The following CD46 variants were observed in gnomAD, a reference collection of about 807,000 sequenced individuals.
The protein encoded by CD46 is CD46 molecule, also known as membrane cofactor protein.
CD46 carries 30 observed loss-of-function variants against 53.3 expected under a neutral mutation model. The ratio of observed to expected loss-of-function variants is 0.56; its 90% confidence interval spans 0.42 to 0.76. The LOEUF (loss-of-function observed/expected upper bound fraction) is 0.76, where lower values mean the gene tolerates loss of function less well. Among genes scored for constraint, CD46 ranks in the 30% least tolerant of loss-of-function variants. CD46 has a pLI of 0.00. For synonymous variants in CD46, 142 were observed against 152.0 expected (o/e 0.93, Z 0.48); for missense variants, 409 against 463.0 (o/e 0.88, Z 1.07).
At chr1:207,787,370 C>T (rs1486198457) in intron 11 of CD46, among the ~76,000 whole-genome samples, 3 of 152,116 alleles carry the variant, frequency 2.0e-5, no homozygotes, top group Non-Finnish European at 4.4e-5. Flanking sequence ...CCGCGCCCGG[C>T]CTTAATGGGT....
intron 8 of CD46, among the ~76,000 whole-genome samples, chr1:207,782,636 CCCT>C (rs1375838973): frequency 7.3e-6 from 1 of 137,390 alleles, no homozygotes; most frequent in Non-Finnish European, 1.5e-5. Flanking sequence ...TTTTATTAAT[CCCT>C]CTTTTTTTTT....
intron 12 of CD46, 66 bp downstream of exon 12, chr1:207,790,411 GATATC>G: frequency 2.5e-6 from 2 of 792,414 alleles, no homozygotes; most frequent in Non-Finnish European, 4.4e-6. Context: ...TGGATATATA[GATATC>G]AATAACCTGA....
rs766197874 is a variant in CD46 at position 207,766,966 on chromosome 1, T to C, written c.674-47T>C. 2.0e-6 allele frequency: 3 copies of C among 1,478,386 alleles called. No individual in the cohort carries two copies. In the South Asian group the frequency reaches 3.4e-5, roughly 17 times the overall value. 91.6% of individuals were successfully genotyped at this position (1,478,386 alleles called of 1,614,324 possible). On this transcript the variant is annotated intron_variant, in intron 5 of 12. Transcript: ENST00000367042. ...AATTACTACTTTGTACTACTTTTTCTGCTAAAGCAGATATCCATTAATTCT... is the reference window on the plus strand; with the variant it reads ...AATTACTACTTTGTACTACTTTTTCCGCTAAAGCAGATATCCATTAATTCT...
At chr1:207,777,503 A>G (rs191308876) in intron 8 of CD46, among the ~76,000 whole-genome samples, 171 of 152,246 alleles carry the variant, frequency 1.1e-3, no homozygotes, top group African/African-American at 4.0e-3. Flanking sequence ...TCCCCGGTCA[A>G]GTATACCCCA....
At chr1:207,767,510 T>A (rs1231409181) in intron 6 of CD46, 12 of 1,052,402 alleles carry the variant, frequency 1.1e-5, no homozygotes, top group East Asian at 7.1e-5. Flanking sequence ...CATGGGCATT[T>A]TTATCTAAGT....
At chr1:207,789,702 C>T (rs930384892) in intron 11 of CD46, among the ~76,000 whole-genome samples, 3 of 151,744 alleles carry the variant, frequency 2.0e-5, no homozygotes, top group African/African-American at 7.3e-5. Context: ...GATAATATTA[C>T]ATGGATTTGA....
intron 5 of CD46, among the ~76,000 whole-genome samples, chr1:207,763,485 C>T (rs1362181524): frequency 6.6e-6 from 1 of 152,198 alleles, no homozygotes; most frequent in African/African-American, 2.4e-5. Context: ...TTGGGCCAGT[C>T]TTGACATCCC....
chr1:207,790,315 T>C lies in CD46; in HGVS notation c.*11T>C. The C allele has an allele frequency of 6.3e-7, 1 of 1,588,256 alleles. No homozygotes were observed. The highest frequency in any genetic ancestry group is 8.6e-7 in the Non-Finnish European group (1 of 1,156,774). On this transcript the variant is annotated 3_prime_UTR_variant, in exon 12 of 13. Coordinates refer to ENST00000367042, the MANE Select transcript of CD46 (RefSeq NM_172351.3). ...TTTACTTCTCTCTGAGAAGGAGAGA[T>C]GAGAGAAAGGTTTGCTTTTATCATT...
intron 8 of CD46, among the ~76,000 whole-genome samples, chr1:207,777,615 C>T (rs540818182): frequency 7.9e-5 from 12 of 152,102 alleles, no homozygotes; most frequent in East Asian, 5.8e-4. Context: ...TGAAGACATG[C>T]GCTCGTTCTT....
chr1:207,763,541 C>T (rs2796269), intron 5 of CD46, among the ~76,000 whole-genome samples: 36,748 of 152,170 alleles, frequency 0.24, 5,563 homozygotes, highest in Middle Eastern at 0.35. Flanking sequence ...TCGGAGACGG[C>T]GAGCTGCAAC....
At chr1:207,767,945 T>A (rs1657052781) in intron 7 of CD46, 122 bp downstream of exon 7, 3 of 792,038 alleles carry the variant, frequency 3.8e-6, no homozygotes, top group Admixed American at 2.0e-5. Context: ...AGGGAGGACA[T>A]TTGTATAGCC....
Position 207,761,417 on chromosome 1 carries a change from T to A in CD46, c.644T>A (p.Val215Glu). Residue 215 changes from valine to glutamate, a missense_variant, in exon 5 of 13, where the codon GTG (valine) becomes GAG (glutamate). Physicochemically the swap from Val to Glu is moderately radical, Grantham distance 121 (BLOSUM62 -2). Coordinates refer to ENST00000367042, the MANE Select transcript of CD46 (RefSeq NM_172351.3). ...ACGATTTATTGTGGTGACAATTCAGTGTGGAGTCGTGCTGCTCCAGAGTGT... is the reference window on the plus strand; with the variant it reads ...ACGATTTATTGTGGTGACAATTCAGAGTGGAGTCGTGCTGCTCCAGAGTGT... Reference protein sequence around the residue: ...ESTIYCGDNSVWSRAAPECKV... With the variant: ...ESTIYCGDNSEWSRAAPECKV... The A allele has an allele frequency of 6.2e-7, 1 of 1,614,096 alleles. No homozygotes were observed. Among genetic ancestry groups the A allele is most frequent in the Non-Finnish European group, 8.5e-7 (1 of 1,179,942 alleles).
intron 4 of CD46, chr1:207,760,035 T>C (rs1303971523): frequency 1.6e-5 from 4 of 249,878 alleles, no homozygotes; most frequent in Non-Finnish European, 3.1e-5. Flanking sequence ...CATGTGCCAC[T>C]ATGCCTGGCT....
chr1:207,765,311 A>G (rs1341219509), intron 5 of CD46, among the ~76,000 whole-genome samples: 5 of 152,344 alleles, frequency 3.3e-5, no homozygotes, highest in Admixed American at 6.5e-5. Flanking sequence ...GGTACTATCT[A>G]TCTTACCCTG....
At chr1:207,769,415 C>T (rs761191953) in intron 7 of CD46, 3 of 152,170 alleles carry the variant, frequency 2.0e-5, no homozygotes, top group Non-Finnish European at 1.5e-5. Flanking sequence ...CTCAGTGAGG[C>T]ATCCGGGCTT....
rs1660098667 is a variant in CD46, at chr1:207,794,716, C to T, written c.*1239C>T. On this transcript the variant is annotated 3_prime_UTR_variant, in exon 13 of 13. Coordinates refer to ENST00000367042, the MANE Select transcript of CD46 (RefSeq NM_172351.3). Reference sequence around the variant, plus strand: ...AGGGATGGAAGAAGTAAATATAGCTCAGGTAGCACTTTATACTCAGGCAGA... The same window carrying T: ...AGGGATGGAAGAAGTAAATATAGCTTAGGTAGCACTTTATACTCAGGCAGA... The T allele has an allele frequency of 6.6e-6, 1 of 152,204 alleles. No homozygotes were observed. Among genetic ancestry groups the T allele is most frequent in the African/African-American group, 2.4e-5 (1 of 41,444 alleles). The allele number at this position is 152,204 out of a possible 1,614,324, so 9.4% of individuals were successfully genotyped here.
intron 8 of CD46, among the ~76,000 whole-genome samples, chr1:207,779,913 CTTT>C (rs66758503): frequency 3.2e-4 from 20 of 62,384 alleles, no homozygotes; most frequent in East Asian, 1.6e-3. Flanking sequence ...AAAAGCAAGT[CTTT>C]TTTTTTTTTT....
At chr1:207,763,680 T>C (rs1447747565) in intron 5 of CD46, among the ~76,000 whole-genome samples, 1 of 152,002 alleles carries the variant, frequency 6.6e-6, no homozygotes, top group Non-Finnish European at 1.5e-5. Flanking sequence ...TATTTTTTAT[T>C]TTTTTTCAAT....
chr1:207,767,921 T>C, intron 7 of CD46, 98 bp downstream of exon 7: 1 of 996,868 alleles, frequency 1.0e-6, no homozygotes, highest in East Asian at 2.4e-5. Context: ...TCACTTATTT[T>C]TAGTAATGAA....
Sources: gnomAD v4.1 joint callset for allele counts (sites outside exome capture counted in the v4.1 genomes callset) on GRCh38, gnomAD v4.1.1 for gene constraint, MANE v1.5 for transcripts, NCBI Gene and HGNC (gene_info 2026-07-23, HGNC 2026-07-21) for gene names.